Variants in ATXN2 observed in about 807,000 individuals in gnomAD.
The protein encoded by ATXN2 is ataxin 2, also known as ataxin-2.
A neutral mutation model predicts 138.6 loss-of-function variants in ATXN2; 37 were observed. The observed-to-expected ratio is 0.27, with a 90% confidence interval of 0.21 to 0.35. ATXN2 has a LOEUF of 0.35. Ranked by LOEUF, ATXN2 falls within the 10% of genes least tolerant of loss-of-function variation. The pLI is 1.00. For synonymous variants in ATXN2, 549 were observed against 543.7 expected (o/e 1.01, Z -0.13); for missense variants, 1,216 against 1,480.3 (o/e 0.82, Z 2.93).
At chr12:111,556,924 G>A (rs1029787500) in intron 1 of ATXN2, among the ~76,000 whole-genome samples, 3 of 151,102 alleles carry the variant, frequency 2.0e-5, no homozygotes, top group Non-Finnish European at 4.4e-5. Flanking sequence ...AATAATATGC[G>A]TCTATATGTG....
chr12:111,576,634 A>G (rs1883665342), intron 1 of ATXN2, among the ~76,000 whole-genome samples: 1 of 151,840 alleles, frequency 6.6e-6, no homozygotes, highest in Non-Finnish European at 1.5e-5. Flanking sequence ...TAGATGAGCC[A>G]CGCACAAATG....
intron 1 of ATXN2, among the ~76,000 whole-genome samples, chr12:111,572,534 A>C (rs1439812144): frequency 6.6e-6 from 1 of 152,238 alleles, no homozygotes; most frequent in Non-Finnish European, 1.5e-5. Flanking sequence ...GGGGTAACCC[A>C]ACACAAGTAG....
At chr12:111,508,195 T>A (rs1879292165) in intron 14 of ATXN2, among the ~76,000 whole-genome samples, 1 of 151,058 alleles carries the variant, frequency 6.6e-6, no homozygotes, top group Admixed American at 6.6e-5. Flanking sequence ...TTTAAGATTA[T>A]GCAAAATATC....
chr12:111,555,764 CAAGTT>C (rs1882356827), intron 2 of ATXN2, 114 bp downstream of exon 2: 1 of 798,860 alleles, frequency 1.3e-6, no homozygotes, highest in South Asian at 1.8e-5. Context: ...CTTAAACAGT[CAAGTT>C]ATCTATGACA....
At chr12:111,502,278 C>T (rs1431233178) in intron 14 of ATXN2, among the ~76,000 whole-genome samples, 1 of 152,294 alleles carries the variant, frequency 6.6e-6, no homozygotes, top group East Asian at 1.9e-4. Context: ...TGCCATCTTA[C>T]AAATAGCAAG....
At chr12:111,555,737 T>C in intron 2 of ATXN2, 146 bp downstream of exon 2, 2 of 630,314 alleles carry the variant, frequency 3.2e-6, no homozygotes, top group Non-Finnish European at 5.5e-6. Context: ...AAAAAACACA[T>C]ATAGGCTAAT....
At chr12:111,500,224 C>T (rs1169183639) in intron 14 of ATXN2, among the ~76,000 whole-genome samples, 2 of 152,074 alleles carry the variant, frequency 1.3e-5, no homozygotes, top group Non-Finnish European at 2.9e-5. Context: ...TGTCCACTGA[C>T]AGACAAATGG....
intron 5 of ATXN2, among the ~76,000 whole-genome samples, chr12:111,530,160 T>C (rs2135753523): frequency 6.6e-6 from 1 of 152,328 alleles, no homozygotes; most frequent in South Asian, 2.1e-4. Flanking sequence ...AGTATATAGA[T>C]TGGTATCAGT....
At chr12:111,517,499 C>G (rs964875618) in intron 9 of ATXN2, among the ~76,000 whole-genome samples, 1 of 152,138 alleles carries the variant, frequency 6.6e-6, no homozygotes, top group African/African-American at 2.4e-5. Context: ...TCTTTTCCCA[C>G]AAAGTTAGTA....
intron 14 of ATXN2, among the ~76,000 whole-genome samples, chr12:111,500,047 G>A (rs1878661012): frequency 6.6e-6 from 1 of 152,190 alleles, no homozygotes; most frequent in Non-Finnish European, 1.5e-5. Context: ...ATGGAGAACA[G>A]TATGGAAATT....
chr12:111,584,835 G>A (rs937979587), intron 1 of ATXN2, among the ~76,000 whole-genome samples: 1 of 151,566 alleles, frequency 6.6e-6, no homozygotes, highest in African/African-American at 2.4e-5. Flanking sequence ...CAGGCATGGT[G>A]GAGCATGTCT....
At chr12:111,579,051 T>C (rs1883842567) in intron 1 of ATXN2, among the ~76,000 whole-genome samples, 2 of 152,172 alleles carry the variant, frequency 1.3e-5, no homozygotes, top group Non-Finnish European at 1.5e-5. Context: ...AAAAAATTCA[T>C]ACACTGCTAG....
At chr12:111,547,255 C>T (rs970099435) in intron 5 of ATXN2, among the ~76,000 whole-genome samples, 13 of 151,986 alleles carry the variant, frequency 8.6e-5, no homozygotes, top group Middle Eastern at 3.4e-3. Context: ...GGTGAAACCC[C>T]GTCTCTACTA....
At chr12:111,547,070 T>G (rs1441022704) in intron 5 of ATXN2, among the ~76,000 whole-genome samples, 1 of 152,244 alleles carries the variant, frequency 6.6e-6, no homozygotes, top group Non-Finnish European at 1.5e-5. Flanking sequence ...CTTTTAAACT[T>G]TATTGAAATC....
At chr12:111,479,491 G>A (rs1202008958) in intron 18 of ATXN2, among the ~76,000 whole-genome samples, 6 of 151,330 alleles carry the variant, frequency 4.0e-5, no homozygotes, top group Admixed American at 2.6e-4. Context: ...CTGAGGCAGT[G>A]GAATTGCAGA....
At position 111,518,404 on chromosome 12, in the gene ATXN2, C is replaced by G; in HGVS notation, c.1010G>C (p.Gly337Ala). Residue 337 changes from glycine to alanine, a missense_variant, in exon 9 of 25, where the codon GGA becomes GCA. Coordinates refer to ENST00000673436, the MANE Select transcript of ATXN2 (RefSeq NM_001372574.1). Reference protein sequence around the residue: ...NTRENKYIPPGQRNREVISWG... With the variant: ...NTRENKYIPPAQRNREVISWG... ...GGATATGACTTCTCTATTTCTTTGT[C>G]CAGGAGGAATATATTTATTTTCCCT... The G allele has an allele frequency of 6.2e-7, 1 of 1,606,648 alleles. No individual in the cohort carries two copies. Among genetic ancestry groups the G allele is most frequent in the African/African-American group, 1.3e-5 (1 of 74,818 alleles).
At chr12:111,530,683 C>T (rs1461417536) in intron 5 of ATXN2, among the ~76,000 whole-genome samples, 2 of 152,110 alleles carry the variant, frequency 1.3e-5, no homozygotes, top group East Asian at 1.9e-4. Context: ...GCGTAGTGGC[C>T]GGCGCCTGTA....
chr12:111,570,223 A>C (rs1883240426), intron 1 of ATXN2, among the ~76,000 whole-genome samples: 1 of 152,038 alleles, frequency 6.6e-6, no homozygotes, highest in Non-Finnish European at 1.5e-5. Context: ...TCTCCCAACG[A>C]TCTACCCGTT....
At chr12:111,474,177 T>C (rs568490697) in intron 18 of ATXN2, among the ~76,000 whole-genome samples, 1 of 152,210 alleles carries the variant, frequency 6.6e-6, no homozygotes, top group Non-Finnish European at 1.5e-5. Context: ...GCTGAAATCA[T>C]GCCACTGCAC....
Sources: gnomAD v4.1 joint callset for allele counts (sites outside exome capture counted in the v4.1 genomes callset) on GRCh38, gnomAD v4.1.1 for gene constraint, MANE v1.5 for transcripts, NCBI Gene and HGNC (gene_info 2026-07-23, HGNC 2026-07-21) for gene names.